PRKDC: variants seen among roughly 807,000 people sequenced by gnomAD.
PRKDC encodes the protein protein kinase, DNA-activated, catalytic subunit, also known as DNA-dependent protein kinase catalytic subunit.
A neutral mutation model predicts 486.9 loss-of-function variants in PRKDC; 82 were observed. The observed-to-expected ratio is 0.17, with a 90% confidence interval of 0.14 to 0.20. The LOEUF (loss-of-function observed/expected upper bound fraction) is 0.20. PRKDC is among the 10% of genes least tolerant of loss of function. The pLI is 1.00. For synonymous variants in PRKDC, 1,895 were observed against 1,837.0 expected (o/e 1.03, Z -0.81); for missense variants, 4,504 against 5,038.2 (o/e 0.89, Z 3.21).
chr8:47,852,609 C>G, intron 52 of PRKDC, 64 bp downstream of exon 52: 1 of 987,180 alleles, frequency 1.0e-6, no homozygotes, highest in Non-Finnish European at 1.5e-6. Flanking sequence ...ATATAAGTAT[C>G]AAGGGTCATA....
Position 47,836,366 on chromosome 8 carries a change from C to G in PRKDC, c.7923G>C (p.Gln2641His). The change falls in exon 58 of 86, where the codon CAG becomes CAC. Residue 2641 changes from glutamine to histidine, a missense_variant. By Grantham distance (24) the Gln-to-His change is conservative. This residue lies in a region of PRKDC where 1,592 missense variants were observed against 1,724.6 expected (regional missense o/e 0.92). Transcript: ENST00000314191. ...VAGQIRATQQ[Q>H]HDFTLTQTAD... ...CAGTCTGTGTCAGTGTGAAGTCATG[C>G]TGCTGCTGGGTGGCCCTTATCTGCC... 6.2e-7 allele frequency: 1 copy of G among 1,602,174 alleles called. No homozygotes were observed. The highest frequency in any genetic ancestry group is 2.2e-5 in the East Asian group (1 of 44,610).
At chr8:47,837,628 A>AT (rs2088056914) in intron 56 of PRKDC, among the ~76,000 whole-genome samples, 1 of 151,934 alleles carries the variant, frequency 6.6e-6, no homozygotes, top group African/African-American at 2.4e-5. Context: ...AATGTAGCAT[A>AT]TTTTTTATGC....
At position 47,821,633 on chromosome 8, in the gene PRKDC, T is replaced by C. The variant is rs1377387508; in HGVS notation, c.9082A>G (p.Asn3028Asp). The change falls in exon 65 of 86, where the codon AAT becomes GAT. Residue 3028 changes from asparagine to aspartate, a missense_variant. Asn to Asp is a conservative substitution (Grantham distance 23). Transcript: ENST00000314191. ...TAAAATGGTTCACTCCAGATTTTAT[T>C]TAGGTCTGGGGGGTTCTCACTGTCT... ...SIDSENPPDL[N>D]KIWSEPFYQE... The C allele has an allele frequency of 1.9e-6, 3 of 1,601,232 alleles. No individual in the cohort carries two copies. The highest frequency in any genetic ancestry group is 3.4e-5 in the Admixed American group (2 of 58,538).
Position 47,893,383 on chromosome 8 carries a change from G to A in PRKDC, c.3603C>T (p.Asn1201=), listed in dbSNP as rs754940361. 1 of 1,506,180 alleles carries A rather than the reference G, an allele frequency of 6.6e-7. No homozygotes were observed. Among genetic ancestry groups the A allele is most frequent in the South Asian group, 1.3e-5 (1 of 74,860 alleles). 93.3% of individuals were successfully genotyped at this position (1,506,180 alleles called of 1,614,324 possible). ...FYKFVPLLPG[N]RSPNLWLKDV... is the part of the protein sequence containing the mutation. ...CTTTCAGCCACAAATTAGGGGATCT[G>A]TTGCCTTTAAAAAGAAACAAAATTA... The change falls in exon 31 of 86, where the codon AAC becomes AAT. Residue 1201 remains asparagine, a synonymous_variant. Transcript: ENST00000314191.
intron 31 of PRKDC, 64 bp downstream of exon 31, chr8:47,893,075 G>A (rs2089496875): frequency 1.4e-6 from 2 of 1,468,608 alleles, no homozygotes; most frequent in Non-Finnish European, 1.8e-6. Context: ...TGACCTGGCA[G>A]AGCCACTGCC....
intron 34 of PRKDC, among the ~76,000 whole-genome samples, 153 bp from the exon 35 acceptor site, chr8:47,887,858 T>C (rs1254364143): frequency 6.6e-6 from 1 of 152,230 alleles, no homozygotes; most frequent in Non-Finnish European, 1.5e-5. Context: ...TTTGCTTTTG[T>C]TGTTCTTGCT....
At chr8:47,936,749 T>C (rs1467202276) in intron 11 of PRKDC, among the ~76,000 whole-genome samples, 3 of 150,366 alleles carry the variant, frequency 2.0e-5, no homozygotes, top group African/African-American at 7.3e-5. Flanking sequence ...CCCGAGTAGC[T>C]GGGATTACAG....
chr8:47,950,059 G>A (rs2090602305), intron 7 of PRKDC, among the ~76,000 whole-genome samples: 1 of 151,968 alleles, frequency 6.6e-6, no homozygotes, highest in Admixed American at 6.6e-5. Context: ...ATCACCTGAG[G>A]TCAGGAGTTG....
At chr8:47,860,023 C>G (rs1049963490) in intron 45 of PRKDC, among the ~76,000 whole-genome samples, 14 of 152,260 alleles carry the variant, frequency 9.2e-5, no homozygotes, top group South Asian at 2.1e-4. Flanking sequence ...ATATGATTAA[C>G]ACATTTTCTT....
At chr8:47,859,862 C>T (rs1213694718) in intron 45 of PRKDC, 103 bp from the exon 46 acceptor site, 10 of 1,202,346 alleles carry the variant, frequency 8.3e-6, no homozygotes, top group Admixed American at 5.0e-5. Context: ...ACATTTTAAT[C>T]TAAGGTTTTC....
chr8:47,914,122 A>G (rs1681959890), intron 23 of PRKDC, 58 bp from the exon 24 acceptor site: 6 of 1,319,732 alleles, frequency 4.5e-6, no homozygotes, highest in Non-Finnish European at 5.9e-6. Context: ...TAGTGTCAGA[A>G]TTATTCACAA....
chr8:47,775,364 ATTTT>A (rs761373021), intron 85 of PRKDC, among the ~76,000 whole-genome samples: 12 of 87,550 alleles, frequency 1.4e-4, no homozygotes, highest in African/African-American at 5.9e-4. Context: ...TCTTTTGACC[ATTTT>A]TTTTTTTTTT....
At chr8:47,819,322 T>C in intron 67 of PRKDC, 80 bp downstream of exon 67, 1 of 918,432 alleles carries the variant, frequency 1.1e-6, no homozygotes, top group Non-Finnish European at 1.6e-6. Flanking sequence ...ACATGCACTT[T>C]CACTAAGCAG....
intron 29 of PRKDC, among the ~76,000 whole-genome samples, chr8:47,897,880 A>G (rs908404562): frequency 6.6e-6 from 1 of 152,226 alleles, no homozygotes; most frequent in East Asian, 1.9e-4. Flanking sequence ...GCTTCTCCAG[A>G]GTGGCGGTCA....
intron 69 of PRKDC, among the ~76,000 whole-genome samples, chr8:47,805,806 C>G (rs1423665363): frequency 1.3e-5 from 2 of 152,172 alleles, no homozygotes; most frequent in Non-Finnish European, 2.9e-5. Flanking sequence ...TAGCCAGACA[C>G]TCTCATCACT....
At chr8:47,795,553 C>T (rs929425025) in intron 73 of PRKDC, among the ~76,000 whole-genome samples, 3 of 139,334 alleles carry the variant, frequency 2.2e-5, no homozygotes, top group South Asian at 2.5e-4. Flanking sequence ...AGTGCTGTGG[C>T]GTGATCTCAG....
chr8:47,909,368 A>G (rs781366968), intron 25 of PRKDC, among the ~76,000 whole-genome samples: 4 of 152,198 alleles, frequency 2.6e-5, no homozygotes, highest in South Asian at 2.1e-4. Context: ...CACTTCCCCA[A>G]TCAATACTCT....
chr8:47,776,918 T>A lies in PRKDC; in HGVS notation c.12108A>T (p.Lys4036Asn), dbSNP rs2086619252. ...ATATTTTCTGTCGGGGGTACCAATTTTTTTCAGCAACATTTATTTCTTGAA... is the reference window on the plus strand; with the variant it reads ...ATATTTTCTGTCGGGGGTACCAATTATTTTCAGCAACATTTATTTCTTGAA... ...SWIQEINVAE[K>N]NWYPRQKICY... The change falls in exon 85 of 86, where the codon AAA becomes AAT. Residue 4036 changes from lysine to asparagine, a missense_variant. This residue lies in a region of PRKDC where 706 missense variants were observed against 945.0 expected (regional missense o/e 0.75). Transcript: ENST00000314191. 1.9e-6 allele frequency: 3 copies of A among 1,613,936 alleles called. No homozygotes were observed. The highest frequency in any genetic ancestry group is 4.5e-5 in the East Asian group (2 of 44,876).
intron 40 of PRKDC, among the ~76,000 whole-genome samples, chr8:47,868,357 G>C (rs1563775725): frequency 6.6e-6 from 1 of 151,024 alleles, no homozygotes; most frequent in African/African-American, 2.4e-5. Flanking sequence ...ATGAGTTCAA[G>C]ACCAGCCCAG....
Sources: gnomAD v4.1 joint callset for allele counts (sites outside exome capture counted in the v4.1 genomes callset) on GRCh38, gnomAD v4.1.1 for gene constraint, gnomAD v4.1.1 regional missense constraint, MANE v1.5 for transcripts, NCBI Gene and HGNC (gene_info 2026-07-23, HGNC 2026-07-21) for gene names.